NAA11: variants seen among roughly 807,000 people sequenced by gnomAD.
The protein encoded by NAA11 is N-alpha-acetyltransferase 11.
Under a neutral mutation model 16.1 loss-of-function variants are expected in NAA11, and 15 were observed. The observed-to-expected ratio is 0.93, with a 90% confidence interval of 0.62 to 1.44. The LOEUF is 1.44. NAA11 is among the 40% of genes most tolerant of loss of function. NAA11 has a pLI of 0.00. For missense variants in NAA11, 298 were observed against 291.3 expected (o/e 1.02, Z -0.17); for synonymous variants, 122 against 112.4 (o/e 1.09, Z -0.54).
At chr4:79,262,027 A>G (rs1317337502) in intron 2 of NAA11, among the ~76,000 whole-genome samples, 1 of 152,098 alleles carries the variant, frequency 6.6e-6, no homozygotes, top group African/African-American at 2.4e-5. Flanking sequence ...TGGATATCTG[A>G]GGAGAACCTA....
At chr4:79,304,033 G>A (rs72664045) in intron 1 of NAA11, among the ~76,000 whole-genome samples, 309 of 151,960 alleles carry the variant, frequency 2.0e-3, no homozygotes, top group Admixed American at 3.7e-3. Flanking sequence ...GTGACAGCTC[G>A]ACAGCTCTTC....
At chr4:79,322,210 G>A (rs1044552562) in intron 1 of NAA11, among the ~76,000 whole-genome samples, 1 of 152,224 alleles carries the variant, frequency 6.6e-6, no homozygotes, top group African/African-American at 2.4e-5. Flanking sequence ...GAGGATCAAA[G>A]ATTGGATGGG....
intron 1 of NAA11, among the ~76,000 whole-genome samples, chr4:79,304,595 T>C (rs553288097): frequency 3.9e-5 from 6 of 152,360 alleles, no homozygotes; most frequent in African/African-American, 1.4e-4. Flanking sequence ...GATAATGATA[T>C]TAAATTGTAA....
chr4:79,321,692 G>A (rs1211129420), intron 1 of NAA11, among the ~76,000 whole-genome samples: 5 of 151,922 alleles, frequency 3.3e-5, no homozygotes, highest in African/African-American at 9.7e-5. Flanking sequence ...AAACTCATAG[G>A]TATTTTCATA....
chr4:79,176,079 A>G, the NAA11 span, among the ~76,000 whole-genome samples: 1 of 152,148 alleles, frequency 6.6e-6, no homozygotes, highest in Non-Finnish European at 1.5e-5. Flanking sequence ...GTCCCTGTAA[A>G]TTGATCTTGA....
chr4:79,202,797 T>A, the NAA11 span, among the ~76,000 whole-genome samples: 1 of 150,460 alleles, frequency 6.6e-6, no homozygotes, highest in African/African-American at 2.4e-5. Context: ...TAAAGTTAAT[T>A]TCTATGGCTA....
chr4:79,183,569 G>A, the NAA11 span, among the ~76,000 whole-genome samples: 20 of 152,160 alleles, frequency 1.3e-4, no homozygotes, highest in African/African-American at 4.3e-4. Context: ...ATTGCAGAAA[G>A]AGGATTCCCT....
chr4:79,217,210 G>A, the NAA11 span, among the ~76,000 whole-genome samples: 2 of 152,172 alleles, frequency 1.3e-5, no homozygotes, highest in Non-Finnish European at 2.9e-5. Context: ...CAGGCTTTGG[G>A]ATGCAGATCA....
At chr4:79,313,456 A>T (rs955311003), downstream of NAA11, among the ~76,000 whole-genome samples, 1 of 152,186 alleles carries the variant, frequency 6.6e-6, no homozygotes, top group Non-Finnish European at 1.5e-5. Context: ...AAAATTGCTC[A>T]ACTTGCTAAG....
the NAA11 span, among the ~76,000 whole-genome samples, chr4:79,201,189 C>G: frequency 6.6e-6 from 1 of 151,158 alleles, no homozygotes; most frequent in Non-Finnish European, 1.5e-5. Flanking sequence ...CCCAAATTTC[C>G]CATTATAAAT....
chr4:79,185,450 G>A, the NAA11 span, among the ~76,000 whole-genome samples: 1 of 152,152 alleles, frequency 6.6e-6, no homozygotes, highest in African/African-American at 2.4e-5. Context: ...AGCCAAAGTG[G>A]CACTTTTCAA....
chr4:79,190,552 C>T, the NAA11 span, among the ~76,000 whole-genome samples: 3 of 151,788 alleles, frequency 2.0e-5, no homozygotes, highest in South Asian at 6.2e-4. Context: ...CCTTCATTCA[C>T]CCAACATTTG....
At chr4:79,285,904 T>C (rs1339932845) in intron 2 of NAA11, among the ~76,000 whole-genome samples, 4 of 151,950 alleles carry the variant, frequency 2.6e-5, no homozygotes, top group South Asian at 2.1e-4. Flanking sequence ...AAATATTCCA[T>C]TTTTTTCTCC....
At chr4:79,185,051 A>C in the NAA11 span, among the ~76,000 whole-genome samples, 1 of 152,152 alleles carries the variant, frequency 6.6e-6, no homozygotes, top group Non-Finnish European at 1.5e-5. Context: ...CGTGAATTTT[A>C]CATGCCTGAG....
chr4:79,241,907 C>T (rs1054316897), intron 2 of NAA11, among the ~76,000 whole-genome samples: 1 of 152,198 alleles, frequency 6.6e-6, no homozygotes, highest in Non-Finnish European at 1.5e-5. Context: ...TCACTACATG[C>T]TTTTCAATAA....
intron 1 of NAA11, among the ~76,000 whole-genome samples, chr4:79,296,424 A>G (rs1407726604): frequency 6.6e-6 from 1 of 152,206 alleles, no homozygotes; most frequent in Non-Finnish European, 1.5e-5. Flanking sequence ...CCCAGTGCCT[A>G]GAACTTATTA....
chr4:79,165,467 A>G, the NAA11 span, among the ~76,000 whole-genome samples: 3 of 152,192 alleles, frequency 2.0e-5, no homozygotes, highest in Non-Finnish European at 4.4e-5. Flanking sequence ...ACAGGAGTAG[A>G]GCTCTTCCTG....
intron 2 of NAA11, among the ~76,000 whole-genome samples, chr4:79,236,485 C>G (rs890684493): frequency 4.0e-5 from 6 of 151,834 alleles, no homozygotes; most frequent in Admixed American, 2.6e-4. Context: ...TTTTTTCCCC[C>G]TCAGGTTTAG....
the NAA11 span, among the ~76,000 whole-genome samples, chr4:79,164,302 C>T: frequency 3.0e-4 from 45 of 152,288 alleles, no homozygotes; most frequent in Middle Eastern, 3.4e-3. Flanking sequence ...TTTGCAGCCA[C>T]GGTGTGAGCA....
Sources: gnomAD v4.1 joint callset for allele counts (sites outside exome capture counted in the v4.1 genomes callset) on GRCh38, gnomAD v4.1.1 for gene constraint, MANE v1.5 for transcripts, NCBI Gene and HGNC (gene_info 2026-07-23, HGNC 2026-07-21) for gene names.